The following MTUS2 variants were observed in gnomAD, a reference collection of about 807,000 sequenced individuals.
MTUS2 encodes microtubule-associated tumor suppressor candidate 2.
A neutral mutation model predicts 114.1 loss-of-function variants in MTUS2; 40 were observed. The observed-to-expected ratio is 0.35, with a 90% CI of 0.27 to 0.46. The LOEUF (loss-of-function observed/expected upper bound fraction) is 0.46. Among genes scored for constraint, MTUS2 ranks in the 20% least tolerant of loss-of-function variants. MTUS2 has a pLI of 1.00. For missense variants in MTUS2, 1,679 were observed against 1,705.4 expected (o/e 0.98, Z 0.27); for synonymous variants, 688 against 672.0 (o/e 1.02, Z -0.37).
chr13:29,227,433 C>T (rs1896153876), intron 5 of MTUS2, among the ~76,000 whole-genome samples: 1 of 152,094 alleles, frequency 6.6e-6, no homozygotes, highest in East Asian at 1.9e-4. Context: ...GCAAGTGACC[C>T]GAGGGGCTCG....
intron 2 of MTUS2, among the ~76,000 whole-genome samples, chr13:28,875,520 ATG>A (rs1457604246): frequency 7.2e-5 from 11 of 152,138 alleles, no homozygotes; most frequent in Non-Finnish European, 1.6e-4. Flanking sequence ...ATTCATGTTA[ATG>A]TTTATTTTTA....
chr13:29,289,306 C>T (rs999455051), intron 6 of MTUS2, among the ~76,000 whole-genome samples: 3 of 152,168 alleles, frequency 2.0e-5, no homozygotes, highest in Non-Finnish European at 4.4e-5. Flanking sequence ...AGTCCAGCTC[C>T]GCCTGTCTTA....
intron 7 of MTUS2, among the ~76,000 whole-genome samples, chr13:29,335,615 C>A (rs1901021426): frequency 6.6e-6 from 1 of 152,110 alleles, no homozygotes; most frequent in African/African-American, 2.4e-5. Flanking sequence ...CCCCCAGACA[C>A]CCAGCTTTAA....
intron 11 of MTUS2, among the ~76,000 whole-genome samples, chr13:29,490,656 A>T (rs984633658): frequency 2.6e-5 from 4 of 152,260 alleles, no homozygotes; most frequent in Admixed American, 6.5e-5. Flanking sequence ...TTGTCTTAAC[A>T]CCGAATCTTT....
At chr13:29,081,341 A>G (rs145853409) in intron 4 of MTUS2, among the ~76,000 whole-genome samples, 77 of 152,198 alleles carry the variant, frequency 5.1e-4, no homozygotes, top group Middle Eastern at 3.4e-3. Flanking sequence ...GAGTCTTACT[A>G]TTACAATTCA....
intron 5 of MTUS2, among the ~76,000 whole-genome samples, chr13:29,112,410 A>G (rs1890917424): frequency 6.6e-6 from 1 of 152,162 alleles, no homozygotes; most frequent in Admixed American, 6.5e-5. Context: ...ATTGAGGAGA[A>G]TGGGTCTGCA....
chr13:28,999,162 C>T (rs1016335307), intron 2 of MTUS2, among the ~76,000 whole-genome samples: 2 of 152,182 alleles, frequency 1.3e-5, no homozygotes, highest in African/African-American at 4.8e-5. Flanking sequence ...CCACTCCAGA[C>T]CCTGTTTGCC....
At chr13:29,219,574 G>A (rs1895824850) in intron 5 of MTUS2, among the ~76,000 whole-genome samples, 1 of 152,186 alleles carries the variant, frequency 6.6e-6, no homozygotes, top group African/African-American at 2.4e-5. Context: ...GTCCTTTGAA[G>A]CTTTGAAGCC....
chr13:28,842,555 C>G (rs538578756), intron 2 of MTUS2, among the ~76,000 whole-genome samples: 1 of 152,274 alleles, frequency 6.6e-6, no homozygotes, highest in East Asian at 1.9e-4. Context: ...TGATGATGAT[C>G]TGGTATTCTC....
At chr13:28,999,121 A>C (rs1457952045) in intron 2 of MTUS2, among the ~76,000 whole-genome samples, 5 of 151,334 alleles carry the variant, frequency 3.3e-5, no homozygotes, top group East Asian at 1.9e-4. Flanking sequence ...CAGGACCCTC[A>C]GCTGCAGGTC....
intron 9 of MTUS2, among the ~76,000 whole-genome samples, chr13:29,469,493 G>C (rs1324175052): frequency 2.6e-5 from 4 of 152,166 alleles, no homozygotes; most frequent in East Asian, 3.9e-4. Flanking sequence ...TGGGCGTGGT[G>C]GTGGGCGCCT....
At chr13:28,909,987 C>G (rs1225446562) in intron 2 of MTUS2, among the ~76,000 whole-genome samples, 1 of 152,176 alleles carries the variant, frequency 6.6e-6, no homozygotes, top group African/African-American at 2.4e-5. Flanking sequence ...AATCACATAA[C>G]AGAAAATGGG....
At chr13:29,377,544 T>C (rs577330838) in intron 8 of MTUS2, among the ~76,000 whole-genome samples, 3 of 152,234 alleles carry the variant, frequency 2.0e-5, no homozygotes, top group Admixed American at 6.5e-5. Context: ...AGAGGAACTT[T>C]TGAGGAAAAT....
chr13:29,233,210 G>T (rs1437235434), intron 5 of MTUS2, among the ~76,000 whole-genome samples: 16 of 141,408 alleles, frequency 1.1e-4, no homozygotes, highest in Non-Finnish European at 3.0e-5. Flanking sequence ...TTTATTGAGG[G>T]TTTTGGTTTT....
intron 5 of MTUS2, among the ~76,000 whole-genome samples, chr13:29,105,128 A>T (rs1421810318): frequency 6.6e-6 from 1 of 152,184 alleles, no homozygotes; most frequent in Non-Finnish European, 1.5e-5. Flanking sequence ...GAGTTGCTCA[A>T]CTGGTATAAT....
intron 2 of MTUS2, among the ~76,000 whole-genome samples, chr13:28,898,269 A>T (rs1232106330): frequency 6.6e-6 from 1 of 152,208 alleles, no homozygotes; most frequent in East Asian, 1.9e-4. Flanking sequence ...GCATGGTTTA[A>T]AGGCTGGTGA....
intron 9 of MTUS2, among the ~76,000 whole-genome samples, chr13:29,458,949 C>T (rs889047946): frequency 3.9e-5 from 6 of 152,268 alleles, no homozygotes; most frequent in Non-Finnish European, 7.3e-5. Context: ...GACTCATCGC[C>T]ACTGTCCCTA....
chr13:29,165,957 G>A (rs940581071), intron 5 of MTUS2, among the ~76,000 whole-genome samples: 1 of 152,194 alleles, frequency 6.6e-6, no homozygotes, highest in Admixed American at 6.5e-5. Flanking sequence ...GGTTATGGAC[G>A]AGGCTAGGGT....
At chr13:29,027,337 A>G (rs1380936668) in intron 3 of MTUS2, among the ~76,000 whole-genome samples, 2 of 152,244 alleles carry the variant, frequency 1.3e-5, no homozygotes, top group African/African-American at 2.4e-5. Context: ...TCTTATTCGC[A>G]TGCGTGAAGA....
Sources: gnomAD v4.1 joint callset for allele counts (sites outside exome capture counted in the v4.1 genomes callset) on GRCh38, gnomAD v4.1.1 for gene constraint, MANE v1.5 for transcripts, NCBI Gene and HGNC (gene_info 2026-07-23, HGNC 2026-07-21) for gene names.